The following NKAIN3 variants were observed in gnomAD, a reference collection of about 807,000 sequenced individuals.
The protein encoded by NKAIN3 is sodium/potassium transporting ATPase interacting 3.
In NKAIN3, 25 loss-of-function variants were observed where a neutral mutation model predicts 30.2. The observed-to-expected ratio is 0.83, with a 90% CI of 0.60 to 1.16. The LOEUF is 1.16. Among genes scored for constraint, NKAIN3 ranks in the 50% most tolerant of loss-of-function variants. The probability of loss-of-function intolerance (pLI) is 0.00; values close to 1 mark genes in which losing one functional copy is unlikely to be tolerated. For synonymous variants in NKAIN3, 91 were observed against 89.6 expected, an observed-to-expected ratio of 1.02 and a Z score of -0.09; for missense variants, 225 against 254.1, an observed-to-expected ratio of 0.89 and a Z score of 0.78.
chr8:62,840,894 C>A (rs1211622559), intron 4 of NKAIN3, among the ~76,000 whole-genome samples: 1 of 152,128 alleles, frequency 6.6e-6, no homozygotes, highest in Non-Finnish European at 1.5e-5. Context: ...ATCATCATGG[C>A]ACCTCTGGAA....
At chr8:62,813,539 A>C (rs1818562629) in intron 4 of NKAIN3, among the ~76,000 whole-genome samples, 1 of 145,060 alleles carries the variant, frequency 6.9e-6, no homozygotes, top group Non-Finnish European at 1.5e-5. Context: ...CAGTCTGTAT[A>C]TTTTCATTGG....
intron 4 of NKAIN3, among the ~76,000 whole-genome samples, chr8:62,894,867 C>T (rs1234014935): frequency 6.6e-6 from 1 of 152,120 alleles, no homozygotes; most frequent in Non-Finnish European, 1.5e-5. Context: ...ATGAGCACAA[C>T]ATAATTGCTA....
chr8:62,864,952 G>A (rs1002625408), intron 4 of NKAIN3, among the ~76,000 whole-genome samples: 1 of 152,116 alleles, frequency 6.6e-6, no homozygotes, highest in South Asian at 2.1e-4. Flanking sequence ...ATTTGAGCTG[G>A]CAATGGGCGA....
chr8:62,796,861 C>T (rs1216598936), intron 4 of NKAIN3, among the ~76,000 whole-genome samples: 1 of 150,508 alleles, frequency 6.6e-6, no homozygotes, highest in African/African-American at 2.4e-5. Flanking sequence ...TTTCAAGGCA[C>T]CATTCTGAAA....
At chr8:62,312,680 G>A (rs1034594658) in intron 1 of NKAIN3, among the ~76,000 whole-genome samples, 3 of 152,062 alleles carry the variant, frequency 2.0e-5, no homozygotes, top group East Asian at 1.9e-4. Flanking sequence ...AGCTGGGCAT[G>A]GTGGTGTGCA....
At chr8:62,846,288 C>T (rs1380008694) in intron 4 of NKAIN3, among the ~76,000 whole-genome samples, 1 of 152,070 alleles carries the variant, frequency 6.6e-6, no homozygotes, top group African/African-American at 2.4e-5. Context: ...TTTTAAATAA[C>T]AGAATCTTCT....
intron 1 of NKAIN3, among the ~76,000 whole-genome samples, chr8:62,438,827 T>C (rs916566755): frequency 6.6e-6 from 1 of 151,958 alleles, no homozygotes; most frequent in East Asian, 1.9e-4. Flanking sequence ...CCTCCCAGAG[T>C]GTTGGGATTA....
intron 1 of NKAIN3, among the ~76,000 whole-genome samples, chr8:62,273,063 T>C (rs953902511): frequency 6.6e-6 from 1 of 152,180 alleles, no homozygotes; most frequent in African/African-American, 2.4e-5. Flanking sequence ...CAGAAATCAC[T>C]GGGGTGGTTG....
intron 3 of NKAIN3, among the ~76,000 whole-genome samples, chr8:62,742,094 T>G (rs1815920157): frequency 6.6e-6 from 1 of 150,416 alleles, no homozygotes; most frequent in Non-Finnish European, 1.5e-5. Flanking sequence ...AATAAGAAAC[T>G]TGAAACAAGC....
At chr8:62,528,480 C>T (rs1436716679) in intron 1 of NKAIN3, among the ~76,000 whole-genome samples, 3 of 151,556 alleles carry the variant, frequency 2.0e-5, no homozygotes. Context: ...CTACTTTCTC[C>T]CTCTGTGTAG....
chr8:62,670,039 T>A lies in NKAIN3; in HGVS notation c.274-76893T>A, dbSNP rs1792083953. Among the ~76,000 whole-genome samples the A allele has an allele frequency of 2.6e-5, 4 of 152,176 alleles. No homozygotes were observed. The South Asian group carries it at 6.2e-4, about 24-fold the overall frequency. ...GATGAAATATATGTTTTTCAGCTAGTCTTGGATAATCCAGATTAGCAAAGA... is the reference window on the plus strand; with the variant it reads ...GATGAAATATATGTTTTTCAGCTAGACTTGGATAATCCAGATTAGCAAAGA... On this transcript the variant is annotated intron_variant, in intron 3 of 6. Coordinates refer to ENST00000623646, the MANE Select transcript of NKAIN3 (RefSeq NM_001304533.3).
At chr8:62,686,504 T>A (rs1563516127) in intron 3 of NKAIN3, among the ~76,000 whole-genome samples, 1 of 152,188 alleles carries the variant, frequency 6.6e-6, no homozygotes, top group Non-Finnish European at 1.5e-5. Flanking sequence ...TCACCACTAC[T>A]CTTACTGCAG....
intron 4 of NKAIN3, among the ~76,000 whole-genome samples, chr8:62,749,016 A>G (rs1347536140): frequency 6.6e-6 from 1 of 152,106 alleles, no homozygotes; most frequent in African/African-American, 2.4e-5. Flanking sequence ...TGTGTAGGCT[A>G]TTTTAAGTTA....
chr8:62,460,542 G>C (rs1805969795), intron 1 of NKAIN3, among the ~76,000 whole-genome samples: 1 of 152,092 alleles, frequency 6.6e-6, no homozygotes, highest in South Asian at 2.1e-4. Flanking sequence ...ATGTTGGTAA[G>C]AACAATGAGC....
intron 3 of NKAIN3, among the ~76,000 whole-genome samples, chr8:62,709,231 T>G (rs893456522): frequency 2.1e-4 from 32 of 152,296 alleles, no homozygotes; most frequent in African/African-American, 7.0e-4. Context: ...TGATGCTGGC[T>G]TCATAGAATG....
intron 1 of NKAIN3, among the ~76,000 whole-genome samples, chr8:62,510,737 A>G (rs570234733): frequency 6.6e-6 from 1 of 152,136 alleles, no homozygotes; most frequent in Non-Finnish European, 1.5e-5. Flanking sequence ...TTAGGGGCAC[A>G]GTGAGATCAT....
chr8:62,688,743 C>CAG (rs1262204772), intron 3 of NKAIN3, among the ~76,000 whole-genome samples: 5 of 104,358 alleles, frequency 4.8e-5, no homozygotes, highest in Non-Finnish European at 7.9e-5. Flanking sequence ...GACAGACAGA[C>CAG]ACACACACAC....
chr8:62,655,123 G>T (rs1349992051), intron 3 of NKAIN3, among the ~76,000 whole-genome samples: 1 of 152,300 alleles, frequency 6.6e-6, no homozygotes, highest in African/African-American at 2.4e-5. Context: ...TTAAGGCTAT[G>T]ATGACCATCC....
rs35102614 is a variant in NKAIN3 at position 62,495,549 on chromosome 8, G to GTATATA, written c.55-83980_55-83975dup. The stretch of plus-strand genomic sequence containing the variant: ...CTCTTGGGGAACAATGAGACAGAGA[G>GTATATA]TATATATATATATATTATATAAATA... On this transcript the variant is annotated intron_variant, in intron 1 of 6. Transcript: ENST00000623646. 1.1e-4 allele frequency among the ~76,000 whole-genome samples: 16 copies of GTATATA among 146,790 alleles called. No homozygotes were observed. The East Asian group carries it at 1.8e-3, about 16-fold the overall frequency.
Sources: allele counts gnomAD v4.1 joint callset (sites outside exome capture counted in the v4.1 genomes callset), GRCh38; gene constraint gnomAD v4.1.1; transcripts MANE v1.5; gene names NCBI Gene and HGNC (gene_info 2026-07-23, HGNC 2026-07-21).